The following PARD3B variants were observed in gnomAD, a reference collection of about 807,000 sequenced individuals.
PARD3B encodes the protein partitioning defective 3 homolog B.
Under a neutral mutation model 130.2 loss-of-function variants are expected in PARD3B, and 103 were observed. The ratio of observed to expected loss-of-function variants is 0.79; its 90% CI spans 0.67 to 0.93. The LOEUF (loss-of-function observed/expected upper bound fraction) is 0.93. PARD3B is among the 40% of genes least tolerant of loss of function. The pLI is 0.00. For synonymous variants in PARD3B, 583 were observed against 553.2 expected, an observed-to-expected ratio of 1.05 and a Z score of -0.76; for missense variants, 1,609 against 1,499.2, an observed-to-expected ratio of 1.07 and a Z score of -1.21.
chr2:204,722,802 G>A (rs2039057359), intron 2 of PARD3B, among the ~76,000 whole-genome samples: 1 of 152,124 alleles, frequency 6.6e-6, no homozygotes. Flanking sequence ...AATATGGGCA[G>A]GACACTGTCC....
chr2:204,916,329 A>G (rs1349984220), intron 2 of PARD3B, among the ~76,000 whole-genome samples: 1 of 152,204 alleles, frequency 6.6e-6, no homozygotes, highest in Non-Finnish European at 1.5e-5. Flanking sequence ...TTTGAACTTT[A>G]TAGGTCAATT....
At chr2:205,465,839 G>A (rs2048602374) in intron 20 of PARD3B, among the ~76,000 whole-genome samples, 1 of 152,168 alleles carries the variant, frequency 6.6e-6, no homozygotes, top group Non-Finnish European at 1.5e-5. Flanking sequence ...AATAATTGCA[G>A]CTAAAAGCTG....
At position 204,647,861 on chromosome 2, in the gene PARD3B, G is replaced by A. The variant is rs565597466; in HGVS notation, c.121-38320G>A. Among the ~76,000 whole-genome samples, 443 of 151,702 alleles carry A rather than the reference G, an allele frequency of 2.9e-3. 1 individual carries two copies. Among genetic ancestry groups the A allele is most frequent in the African/African-American group, 9.5e-3 (393 of 41,468 alleles). ...AAAGGCAGAACATCTGTTACTTAAA[G>A]GAGATATTAAACTTTGAGTGCTAAC... is the stretch of plus-strand genomic sequence containing the variant. On this transcript the variant is annotated intron_variant, in intron 1 of 22. Coordinates refer to ENST00000406610, the MANE Select transcript of PARD3B (RefSeq NM_001302769.2).
rs7577059 is a variant in PARD3B at position 204,677,285 on chromosome 2, G to A, written c.121-8896G>A. ...ATACTCCAAGTCTAGATTAAAAACA[G>A]GTAGCATTGGCCTTATTCAGAGGAC... On this transcript the variant is annotated intron_variant, in intron 1 of 22. Coordinates refer to ENST00000406610, the MANE Select transcript of PARD3B (RefSeq NM_001302769.2). The surrounding 1 kb of genome is among the most constrained non-coding windows in gnomAD (Gnocchi z 4.1). 0.31 allele frequency among the ~76,000 whole-genome samples: 47,392 copies of A among 152,034 alleles called. 9,998 individuals are homozygous for A. The highest frequency in any genetic ancestry group is 0.6 in the African/African-American group (25,034 of 41,448).
At chr2:205,425,976 T>G (rs1209060494) in intron 19 of PARD3B, among the ~76,000 whole-genome samples, 1 of 152,210 alleles carries the variant, frequency 6.6e-6, no homozygotes, top group East Asian at 1.9e-4. Flanking sequence ...TCAAATTTAC[T>G]GTACAGAAAT....
intron 22 of PARD3B, among the ~76,000 whole-genome samples, chr2:205,554,428 A>G (rs1221956165): frequency 2.0e-5 from 3 of 152,256 alleles, no homozygotes; most frequent in Non-Finnish European, 4.4e-5. Context: ...TTTCAAAAGT[A>G]ATAAAATCTG....
At chr2:205,034,517 G>A (rs12617699) in intron 3 of PARD3B, among the ~76,000 whole-genome samples, 26,776 of 151,844 alleles carry the variant, frequency 0.18, 3,070 homozygotes, top group Middle Eastern at 0.27. Context: ...TTAGGCATTC[G>A]GTAAATATTT....
intron 16 of PARD3B, among the ~76,000 whole-genome samples, chr2:205,248,676 G>C (rs1349822019): frequency 7.3e-6 from 1 of 137,686 alleles, no homozygotes; most frequent in South Asian, 2.3e-4. Context: ...GCGCGATCTA[G>C]GCTCACTGCA....
chr2:204,715,287 A>T (rs1051317840), intron 2 of PARD3B, among the ~76,000 whole-genome samples: 1 of 152,260 alleles, frequency 6.6e-6, no homozygotes, highest in African/African-American at 2.4e-5. Flanking sequence ...AGTAAAGTTT[A>T]CTTCCCTGTG....
chr2:205,151,537 G>T (rs2033757696), intron 10 of PARD3B, among the ~76,000 whole-genome samples: 2 of 152,110 alleles, frequency 1.3e-5, no homozygotes, highest in African/African-American at 4.8e-5. Context: ...TGTCTCTTTT[G>T]AACTTTGTTG....
chr2:205,443,571 G>A (rs1312205075), intron 20 of PARD3B, among the ~76,000 whole-genome samples: 1 of 152,190 alleles, frequency 6.6e-6, no homozygotes, highest in East Asian at 1.9e-4. Context: ...TCCAAACAGA[G>A]GTGATATTTG....
rs545196813 is a variant in PARD3B at position 205,544,934 on chromosome 2, G to A, written c.3181-8390G>A. Among the ~76,000 whole-genome samples the A allele has an allele frequency of 2.6e-5, 4 of 152,270 alleles. No individual in the cohort carries two copies. In the South Asian group the frequency reaches 8.3e-4, roughly 32 times the overall value. The stretch of plus-strand genomic sequence containing the variant: ...AGGAAGGAAAATGTAGGCACAGTGT[G>A]GTTAAAAGACTTATCCAAGAGTTCC... On this transcript the variant is annotated intron_variant, in intron 21 of 22. Coordinates refer to ENST00000406610, the MANE Select transcript of PARD3B (RefSeq NM_001302769.2).
At chr2:204,774,514 T>C (rs1318791200) in intron 2 of PARD3B, among the ~76,000 whole-genome samples, 6 of 152,082 alleles carry the variant, frequency 3.9e-5, no homozygotes, top group Non-Finnish European at 5.9e-5. Context: ...TTTTAGACCC[T>C]TCTGATTGCT....
chr2:204,842,682 G>A (rs1204862927), intron 2 of PARD3B, among the ~76,000 whole-genome samples: 1 of 152,182 alleles, frequency 6.6e-6, no homozygotes, highest in Non-Finnish European at 1.5e-5. Context: ...CAAATGTCTG[G>A]AAAAGATGAT....
intron 18 of PARD3B, among the ~76,000 whole-genome samples, chr2:205,373,094 T>C (rs1234072953): frequency 6.6e-6 from 1 of 152,210 alleles, no homozygotes; most frequent in Non-Finnish European, 1.5e-5. Context: ...TGAAATCCTT[T>C]GTCAGAGGGA....
chr2:204,792,486 A>G (rs904949579), intron 2 of PARD3B, among the ~76,000 whole-genome samples: 3 of 151,640 alleles, frequency 2.0e-5, no homozygotes, highest in African/African-American at 7.3e-5. Flanking sequence ...TTATTTTCAT[A>G]GTGCTGTATA....
intron 2 of PARD3B, among the ~76,000 whole-genome samples, chr2:204,939,313 T>C (rs1475698204): frequency 1.3e-5 from 2 of 152,196 alleles, no homozygotes; most frequent in African/African-American, 4.8e-5. Flanking sequence ...ATAAAAGATA[T>C]TAAGTGCCAG....
At chr2:204,865,632 G>A (rs1175679134) in intron 2 of PARD3B, among the ~76,000 whole-genome samples, 3 of 152,122 alleles carry the variant, frequency 2.0e-5, no homozygotes, top group Admixed American at 6.5e-5. Context: ...GGGGACTCGG[G>A]GGAAAGGGTG....
At chr2:204,868,940 G>A (rs568182199) in intron 2 of PARD3B, among the ~76,000 whole-genome samples, 19 of 152,210 alleles carry the variant, frequency 1.2e-4, no homozygotes, top group Non-Finnish European at 2.6e-4. Flanking sequence ...CAGGGAATCA[G>A]GTGTTATACT....
Sources: allele counts gnomAD v4.1 joint callset (sites outside exome capture counted in the v4.1 genomes callset), GRCh38; gene constraint gnomAD v4.1.1; non-coding constraint Gnocchi (gnomAD v3.1); transcripts MANE v1.5; gene names NCBI Gene and HGNC (gene_info 2026-07-23, HGNC 2026-07-21).